CLIC2: variants seen among roughly 807,000 people sequenced by gnomAD.
CLIC2 encodes the protein chloride intracellular channel protein 2.
In CLIC2, 9 loss-of-function variants were observed where a neutral mutation model predicts 14.8. The ratio of observed to expected loss-of-function variants is 0.61; its 90% CI spans 0.37 to 1.06. The LOEUF is 1.06. Among genes scored for constraint, CLIC2 ranks in the 50% least tolerant of loss-of-function variants. The pLI, the probability that CLIC2 is intolerant of heterozygous loss-of-function variation, is 0.01. For missense variants in CLIC2, 148 were observed against 181.4 expected (o/e 0.82, Z 1.06); for synonymous variants, 61 against 66.3 (o/e 0.92, Z 0.39).
chrX:155,323,561 C>A (rs2124215368), intron 1 of CLIC2, among the ~76,000 whole-genome samples: 1 of 111,654 alleles, frequency 9.0e-6, no homozygotes, highest in East Asian at 2.8e-4. Context: ...CATGAAAAAC[C>A]CATAGCCAAT....
At chrX:155,281,982 T>A (rs781974823) in intron 3 of CLIC2, among the ~76,000 whole-genome samples, 3 of 111,015 alleles carry the variant, frequency 2.7e-5, no homozygotes, top group Admixed American at 9.6e-5. Context: ...CGTCTCATCT[T>A]ACCGAGTCAC....
At chrX:155,287,658 G>A (rs1973542714) in intron 3 of CLIC2, among the ~76,000 whole-genome samples, 1 of 112,222 alleles carries the variant, frequency 8.9e-6, no homozygotes, top group African/African-American at 3.2e-5. Flanking sequence ...TAGCCTTGCA[G>A]TATAGTTCGA....
At chrX:155,306,955 A>C (rs1454313750) in intron 1 of CLIC2, among the ~76,000 whole-genome samples, 1 of 111,154 alleles carries the variant, frequency 9.0e-6, no homozygotes, top group African/African-American at 3.3e-5. Flanking sequence ...CATTTTTTCT[A>C]CTGATTGAAA....
chrX:155,323,283 T>A (rs1462065166), intron 1 of CLIC2, among the ~76,000 whole-genome samples: 1 of 111,856 alleles, frequency 8.9e-6, no homozygotes, highest in Non-Finnish European at 1.9e-5. Flanking sequence ...AAATCCTCAA[T>A]AAAATACTGG....
At chrX:155,291,882 G>A (rs782090765) in intron 3 of CLIC2, among the ~76,000 whole-genome samples, 21 of 112,001 alleles carry the variant, frequency 1.9e-4, no homozygotes, top group East Asian at 2.8e-4. Flanking sequence ...AAATGGGGTC[G>A]GACGGATGTC....
intron 1 of CLIC2, among the ~76,000 whole-genome samples, chrX:155,313,256 C>T (rs1557320788): frequency 2.9e-5 from 3 of 104,498 alleles, no homozygotes; most frequent in Admixed American, 1.0e-4. Context: ...GGAACACAGA[C>T]ACTGTTAAGT....
intron 3 of CLIC2, chrX:155,292,728 C>G: frequency 2.4e-6 from 1 of 413,787 alleles, no homozygotes; most frequent in South Asian, 3.4e-5. Flanking sequence ...CGAGATCGCG[C>G]CACTGCACTC....
rs144490079 is a variant in CLIC2, at chrX:155,312,951, C to T, written c.58-13806G>A. 1.4e-3 allele frequency among the ~76,000 whole-genome samples: 157 copies of T among 110,208 alleles called. 3 individuals are homozygous for T. In the East Asian group the frequency reaches 0.037, roughly 26 times the overall value. ...AGAAGACATGCATGTGGCCAATGAG[C>T]GTATGAAAAAAAAGTTCAACACCCC... On this transcript the variant is annotated intron_variant, in intron 1 of 5. Coordinates refer to ENST00000369449, the MANE Select transcript of CLIC2 (RefSeq NM_001289.6).
intron 1 of CLIC2, among the ~76,000 whole-genome samples, chrX:155,306,137 C>A (rs890969750): frequency 1.9e-4 from 21 of 111,974 alleles, no homozygotes; most frequent in African/African-American, 6.8e-4. Context: ...CTCCAAATCT[C>A]ATGTTGAAAT....
chrX:155,297,860 CAAAAAAAAAAAAAAA>C (rs200891873), intron 3 of CLIC2, among the ~76,000 whole-genome samples: 1 of 5,124 alleles, frequency 2.0e-4, no homozygotes, highest in South Asian at 0.021. Context: ...ACTCCGGTCT[CAAAAAAAAAAAAAAA>C]AAAAAAAAAA....
chrX:155,304,860 C>T (rs1294822091), intron 1 of CLIC2, among the ~76,000 whole-genome samples: 1 of 92,217 alleles, frequency 1.1e-5, no homozygotes, highest in African/African-American at 3.7e-5. Flanking sequence ...CAGTGTGCCC[C>T]TGCTGGGGGG....
intron 1 of CLIC2, chrX:155,310,249 A>G (rs1227163877): frequency 7.5e-6 from 1 of 133,266 alleles, no homozygotes; most frequent in Non-Finnish European, 1.5e-5. Flanking sequence ...TTGGGTTTAT[A>G]AGGTTTAGCT....
intron 1 of CLIC2, among the ~76,000 whole-genome samples, chrX:155,323,182 A>T (rs908479516): frequency 4.5e-5 from 5 of 112,077 alleles, no homozygotes; most frequent in Middle Eastern, 4.6e-3. Flanking sequence ...TCATTTTATG[A>T]TGCCAATTTC....
rs2075005012 is a variant in CLIC2, at chrX:155,298,984, G to A, written c.167+52C>T. The stretch of plus-strand genomic sequence containing the variant: ...ATTAAATAAACACCAATATTTTATT[G>A]GTATCTACCAATCTCAATTCCTAGA... On this transcript the variant is annotated intron_variant, in intron 2 of 5. Coordinates refer to ENST00000369449, the MANE Select transcript of CLIC2 (RefSeq NM_001289.6). The A allele has an allele frequency of 2.6e-6, 3 of 1,160,917 alleles. No homozygotes were observed. In the African/African-American group the frequency reaches 5.3e-5, roughly 21 times the overall value.
At position 155,334,421 on chromosome X, in the gene CLIC2, C is replaced by T. The variant is rs1557323111; in HGVS notation, c.7G>A (p.Gly3Ser). 2 of 1,208,233 alleles carry T rather than the reference C, an allele frequency of 1.7e-6. No individual in the cohort carries two copies. The highest frequency in any genetic ancestry group is 4.4e-5 in the Admixed American group (2 of 45,957). Residue 3 changes from glycine to serine, a missense_variant, in exon 1 of 6, where the codon GGC (glycine) becomes AGC (serine). Physicochemically the swap from Gly to Ser is moderately conservative, Grantham distance 56. Coordinates refer to ENST00000369449, the MANE Select transcript of CLIC2 (RefSeq NM_001289.6). MS[G>S]LRPGTQVDPE... is the part of the protein sequence containing the mutation. ...TCCACTTGAGTGCCGGGCCGCAGGC[C>T]TGACATCTTTGTCTTTACTGCCAGT...
At chrX:155,312,063 C>G (rs1236904975) in intron 1 of CLIC2, among the ~76,000 whole-genome samples, 3 of 111,916 alleles carry the variant, frequency 2.7e-5, no homozygotes, top group Admixed American at 9.4e-5. Context: ...CAATAAAATA[C>G]TAGCAAACTG....
intron 1 of CLIC2, among the ~76,000 whole-genome samples, chrX:155,322,201 G>A (rs1439309406): frequency 9.0e-6 from 1 of 111,245 alleles, no homozygotes; most frequent in Non-Finnish European, 1.9e-5. Context: ...TCCGGACCAA[G>A]CAGACCGAAT....
chrX:155,277,781 T>TTCA lies in CLIC2; in HGVS notation c.*119_*121dup. On this transcript the variant is annotated 3_prime_UTR_variant, in exon 6 of 6. Transcript: ENST00000369449. ...GCTAATAGAAAATACAGAGTTCCTT[T>TTCA]TCATAAGAGAGTTGGATAGAAGAAA... 1.7e-6 allele frequency: 1 copy of TTCA among 601,867 alleles called. No individual in the cohort carries two copies. Among genetic ancestry groups the TTCA allele is most frequent in the East Asian group, 3.3e-5 (1 of 30,170 alleles). The allele number at this position is 601,867 out of a possible 1,213,427, so 49.6% of individuals were successfully genotyped here. A position where few individuals can be genotyped will look rare whatever the true frequency, so the allele number is the denominator to read the frequency against.
intron 5 of CLIC2, chrX:155,278,853 G>A (rs2074908160): frequency 4.2e-6 from 1 of 237,907 alleles, no homozygotes; most frequent in Non-Finnish European, 7.6e-6. Flanking sequence ...AGGACTGCTT[G>A]AGCCTCAGAG....
Sources: gnomAD v4.1 joint callset for allele counts (sites outside exome capture counted in the v4.1 genomes callset) on GRCh38, gnomAD v4.1.1 for gene constraint, MANE v1.5 for transcripts, NCBI Gene and HGNC (gene_info 2026-07-23, HGNC 2026-07-21) for gene names.